The following COL4A4 variants were observed in gnomAD, a reference collection of about 807,000 sequenced individuals.
COL4A4 encodes collagen type IV alpha 4 chain.
A neutral mutation model predicts 192.9 loss-of-function variants in COL4A4; 105 were observed. The ratio of observed to expected loss-of-function variants is 0.54; its 90% CI spans 0.46 to 0.64. The LOEUF (loss-of-function observed/expected upper bound fraction) is 0.64, where lower values mean the gene tolerates loss of function less well. Ranked by LOEUF, COL4A4 falls within the 30% of genes least tolerant of loss-of-function variation. The probability of loss-of-function intolerance (pLI) is 0.00; values close to 1 mark genes in which losing one functional copy is unlikely to be tolerated. For synonymous variants in COL4A4, 762 were observed against 769.9 expected (o/e 0.99, Z 0.17); for missense variants, 1,967 against 2,169.3 (o/e 0.91, Z 1.85).
chr2:227,043,142 T>G lies in COL4A4; in HGVS notation c.3332A>C (p.Gln1111Pro). 1 of 1,614,126 alleles carries G rather than the reference T, an allele frequency of 6.2e-7. No individual in the cohort carries two copies. The part of the protein sequence containing the change: ...ASGEQGLPGI[Q>P]GPRGSPGRPG... ...CCTTCCAGGTGATCCTCTGGGCCCT[T>G]GAATACCAGGCAAGCCCTGCTCTCC... The change falls in exon 36 of 48, where the codon CAA becomes CCA. Residue 1111 changes from glutamine (Q) to proline (P), a missense_variant. By Grantham distance (76) the Gln-to-Pro change is moderately conservative. Transcript: ENST00000396625.
chr2:226,979,197 C>CAAGAGCTGA, the COL4A4 span, among the ~76,000 whole-genome samples: 1 of 152,168 alleles, frequency 6.6e-6, no homozygotes, highest in Non-Finnish European at 1.5e-5. Flanking sequence ...CTGAAAGTCC[C>CAAGAGCTGA]AGTGTCCAAG....
chr2:227,063,541 T>C (rs1308968445), intron 25 of COL4A4, among the ~76,000 whole-genome samples: 6 of 152,138 alleles, frequency 3.9e-5, no homozygotes, highest in Admixed American at 6.6e-5. Flanking sequence ...ACTAGCAATG[T>C]AGTTCAAGAT....
At chr2:227,090,522 G>A (rs565390899) in intron 20 of COL4A4, among the ~76,000 whole-genome samples, 24 of 152,242 alleles carry the variant, frequency 1.6e-4, no homozygotes, top group African/African-American at 5.5e-4. Context: ...ACCAAGGTGG[G>A]TGGATTGCTT....
intron 41 of COL4A4, among the ~76,000 whole-genome samples, chr2:227,030,041 T>C (rs1299324108): frequency 6.6e-6 from 1 of 152,048 alleles, no homozygotes; most frequent in Non-Finnish European, 1.5e-5. Context: ...TCAGCTCAAT[T>C]ATCTCATTGA....
chr2:226,996,246 A>T, the COL4A4 span: 2 of 152,398 alleles, frequency 1.3e-5, no homozygotes, highest in African/African-American at 4.8e-5. Context: ...TGTGTCCAGG[A>T]GATAGGACAT....
chr2:227,046,054 T>TCTAAATATATATACGTATATATA (rs1468736824), intron 35 of COL4A4, among the ~76,000 whole-genome samples: 2 of 137,934 alleles, frequency 1.4e-5, no homozygotes, highest in Admixed American at 1.5e-4. Context: ...ATATATACTA[T>TCTAAATATATATACGTATATATA]CTAAACATAT....
At chr2:227,090,562 A>G (rs1428303553) in intron 20 of COL4A4, among the ~76,000 whole-genome samples, 3 of 151,936 alleles carry the variant, frequency 2.0e-5, no homozygotes, top group Non-Finnish European at 2.9e-5. Context: ...CAGCCTGGCC[A>G]ACATGGTAAA....
intron 25 of COL4A4, among the ~76,000 whole-genome samples, chr2:227,069,876 A>T (rs558229292): frequency 2.2e-4 from 34 of 151,840 alleles, no homozygotes; most frequent in African/African-American, 7.5e-4. Flanking sequence ...AATGGGATCT[A>T]ATTAAACTAA....
chr2:226,989,256 A>G, the COL4A4 span, among the ~76,000 whole-genome samples: 2 of 152,258 alleles, frequency 1.3e-5, no homozygotes, highest in Non-Finnish European at 2.9e-5. Flanking sequence ...ATGTGGATAA[A>G]TCTCACAAGC....
chr2:227,147,417 G>A lies in COL4A4; in HGVS notation c.67C>T (p.Pro23Ser), dbSNP rs756127918. 3 of 1,613,378 alleles carry A rather than the reference G, an allele frequency of 1.9e-6. No individual in the cohort carries two copies. Among genetic ancestry groups the A allele is most frequent in the Non-Finnish European group, 2.5e-6 (3 of 1,179,446 alleles). ...FRLTKSLATG[P>S]WSLILILFSV... is the part of the protein sequence containing the mutation. The stretch of plus-strand genomic sequence containing the variant: ...AATCACACTGAGGATACTCACCAGG[G>A]ACCTGTGGCCAAGGACTTGGTCAAT... The change falls in exon 2 of 48, where the codon CCC becomes TCC. Residue 23 changes from proline to serine, a missense_variant. Physicochemically the swap from Pro to Ser is moderately conservative, Grantham distance 74 (BLOSUM62 -1). Transcript: ENST00000396625.
At chr2:227,048,160 T>C (rs913688223) in intron 34 of COL4A4, among the ~76,000 whole-genome samples, 1 of 151,978 alleles carries the variant, frequency 6.6e-6, no homozygotes, top group Non-Finnish European at 1.5e-5. Flanking sequence ...GGACTCAAAA[T>C]GGAGTGGGAG....
At position 227,026,738 on chromosome 2, in the gene COL4A4, G is replaced by A. The variant is rs114726925; in HGVS notation, c.4082-928C>T. On this transcript the variant is annotated intron_variant, in intron 42 of 47. Transcript: ENST00000396625. ...CTTCTCTCCCCAACTCTTCCTTGTC[G>A]TAATTTGACCCTATGGTTAAAAAGT... Among the ~76,000 whole-genome samples the A allele has an allele frequency of 5.1e-3, 775 of 152,184 alleles. 6 individuals are homozygous for A. Among genetic ancestry groups the A allele is most frequent in the African/African-American group, 0.017 (714 of 41,508 alleles).
At chr2:227,032,372 G>C in intron 38 of COL4A4, 96 bp from the exon 39 acceptor site, 1 of 1,433,622 alleles carries the variant, frequency 7.0e-7, no homozygotes, top group Non-Finnish European at 9.5e-7. Flanking sequence ...CGGCAGAGGA[G>C]TGGCTGGTTC....
chr2:227,112,160 T>C (rs74568206), intron 8 of COL4A4, among the ~76,000 whole-genome samples: 5,595 of 152,324 alleles, frequency 0.037, 335 homozygotes, highest in African/African-American at 0.13. Context: ...GCCTTGTGAC[T>C]CTGTGCTGAG....
rs769590242 is a variant in COL4A4 at position 227,059,635 on chromosome 2, C to T, written c.2165-12G>A. On this transcript the variant is annotated splice_polypyrimidine_tract_variant and intron_variant, in intron 27 of 47. Coordinates refer to ENST00000396625, the MANE Select transcript of COL4A4 (RefSeq NM_000092.5). ...GTCACCACGAAAACCTATTTAACAACAAAAAAAAATTTTTAATGATAACAT... is the reference window on the plus strand; with the variant it reads ...GTCACCACGAAAACCTATTTAACAATAAAAAAAAATTTTTAATGATAACAT... 1.1e-5 allele frequency: 17 copies of T among 1,604,154 alleles called. No individual in the cohort carries two copies. The highest frequency in any genetic ancestry group is 5.4e-5 in the African/African-American group (4 of 74,270).
upstream of COL4A4, chr2:227,164,296 C>T: frequency 3.7e-6 from 1 of 268,164 alleles, no homozygotes; most frequent in South Asian, 4.5e-5. The surrounding 1 kb of genome is among the most constrained non-coding windows in gnomAD (Gnocchi z 4.8). Flanking sequence ...CGCGCAGCCA[C>T]CTCCCCACCG....
chr2:227,061,016 G>A (rs566557125), intron 26 of COL4A4, among the ~76,000 whole-genome samples: 28 of 152,242 alleles, frequency 1.8e-4, no homozygotes, highest in African/African-American at 6.3e-4. Context: ...ATGAGCCACC[G>A]CACCCGGCCT....
the COL4A4 span, chr2:226,988,739 T>C: frequency 1.1e-6 from 1 of 915,458 alleles, no homozygotes; most frequent in Non-Finnish European, 1.3e-6. Context: ...TATTAAGAGA[T>C]AGAACGAGCA....
chr2:226,981,435 C>CAAA, the COL4A4 span, among the ~76,000 whole-genome samples: 1 of 137,082 alleles, frequency 7.3e-6, no homozygotes. Flanking sequence ...CATTGAACTT[C>CAAA]AAAAAAAAAA....
Sources: allele counts gnomAD v4.1 joint callset (sites outside exome capture counted in the v4.1 genomes callset), GRCh38; gene constraint gnomAD v4.1.1; non-coding constraint Gnocchi (gnomAD v3.1); transcripts MANE v1.5; gene names NCBI Gene and HGNC (gene_info 2026-07-23, HGNC 2026-07-21).